Variants in MGAT4C observed in about 807,000 individuals in gnomAD.
The protein encoded by MGAT4C is alpha-1,3-mannosyl-glycoprotein 4-beta-N-acetylglucosaminyltransferase C.
MGAT4C carries 19 observed loss-of-function variants against 40.1 expected under a neutral mutation model. That is an observed-to-expected ratio of 0.47 (90% CI 0.33 to 0.70). MGAT4C has a LOEUF of 0.70. MGAT4C is among the 30% of genes least tolerant of loss of function. MGAT4C has a pLI of 0.02. For missense variants in MGAT4C, 491 were observed against 563.2 expected (o/e 0.87, Z 1.30); for synonymous variants, 181 against 187.1 (o/e 0.97, Z 0.27).
chr12:86,793,670 T>C (rs1952064844), intron 1 of MGAT4C, among the ~76,000 whole-genome samples: 1 of 152,036 alleles, frequency 6.6e-6, no homozygotes, highest in Non-Finnish European at 1.5e-5. Context: ...TGTAATAGTA[T>C]ATTTGTTTCT....
At chr12:86,038,668 A>G (rs1159435217) in intron 2 of MGAT4C, among the ~76,000 whole-genome samples, 1 of 149,654 alleles carries the variant, frequency 6.7e-6, no homozygotes, top group Non-Finnish European at 1.5e-5. Context: ...CAGCACACCG[A>G]TGGGTCTTGA....
chr12:86,838,553 G>T (rs1370258864), intron 1 of MGAT4C: 1 of 152,144 alleles, frequency 6.6e-6, no homozygotes, highest in Non-Finnish European at 1.5e-5. Context: ...TCATTCTTCA[G>T]TCCATACAGA....
At chr12:86,604,653 C>T (rs1027170385) in intron 2 of MGAT4C, among the ~76,000 whole-genome samples, 7 of 152,184 alleles carry the variant, frequency 4.6e-5, no homozygotes, top group East Asian at 1.9e-4. Flanking sequence ...TATTTTAGTC[C>T]GTATTCTTTA....
rs186653437 is a variant in MGAT4C at position 86,283,287 on chromosome 12, T to C, written c.-57+50778A>G. ...TCCCTATTCTGTTTGTTATTCAGAT[T>C]CTAAACACTGTTGCTTCACCTATTT... On this transcript the variant is annotated intron_variant, in intron 4 of 7. Transcript: ENST00000548651. Among the ~76,000 whole-genome samples, 16 of 152,188 alleles carry C rather than the reference T, an allele frequency of 1.1e-4. No individual in the cohort carries two copies. The East Asian group carries it at 2.9e-3, about 28-fold the overall frequency.
chr12:86,065,553 C>G (rs962696357), intron 1 of MGAT4C, among the ~76,000 whole-genome samples: 2 of 152,078 alleles, frequency 1.3e-5, no homozygotes, highest in Non-Finnish European at 2.9e-5. Context: ...ATTGATGGAA[C>G]GTATATCAAA....
intron 2 of MGAT4C, among the ~76,000 whole-genome samples, chr12:86,040,765 A>T (rs1891741729): frequency 1.3e-5 from 2 of 152,132 alleles, no homozygotes; most frequent in Non-Finnish European, 2.9e-5. Flanking sequence ...CAGCTAGCTC[A>T]GTGTCCGCCC....
intron 2 of MGAT4C, among the ~76,000 whole-genome samples, chr12:86,511,385 C>T (rs1041808718): frequency 6.6e-6 from 1 of 152,114 alleles, no homozygotes; most frequent in Non-Finnish European, 1.5e-5. Flanking sequence ...AGTCTCTCAG[C>T]TCATTAGTTT....
chr12:86,157,863 G>T (rs995856919), intron 1 of MGAT4C, among the ~76,000 whole-genome samples: 2 of 152,086 alleles, frequency 1.3e-5, no homozygotes, highest in African/African-American at 2.4e-5. Flanking sequence ...CTCCTCCTCC[G>T]ACATGTGGGG....
chr12:86,654,840 G>A (rs552601242), intron 2 of MGAT4C, among the ~76,000 whole-genome samples: 6 of 151,778 alleles, frequency 4.0e-5, no homozygotes, highest in East Asian at 3.9e-4. Context: ...AGGAAAATGC[G>A]GGGGATAAAC....
chr12:86,188,353 T>G (rs1212699222), intron 1 of MGAT4C, among the ~76,000 whole-genome samples: 1 of 151,950 alleles, frequency 6.6e-6, no homozygotes, highest in African/African-American at 2.4e-5. Context: ...CTCAGGAGTA[T>G]AAACATTATT....
chr12:86,148,379 A>C (rs1018471003), intron 1 of MGAT4C, among the ~76,000 whole-genome samples: 2 of 152,212 alleles, frequency 1.3e-5, no homozygotes, highest in African/African-American at 4.8e-5. Flanking sequence ...AATTTCTTGA[A>C]ACAAATTGTA....
intron 1 of MGAT4C, among the ~76,000 whole-genome samples, chr12:86,805,466 A>G (rs1952333932): frequency 1.3e-5 from 2 of 151,982 alleles, no homozygotes; most frequent in South Asian, 4.1e-4. Flanking sequence ...AACATGTGGT[A>G]TTTGGTTTTC....
At chr12:86,099,310 C>T (rs924317362) in intron 1 of MGAT4C, among the ~76,000 whole-genome samples, 104 of 151,076 alleles carry the variant, frequency 6.9e-4, no homozygotes, top group African/African-American at 2.3e-3. Flanking sequence ...AGAATTGTTC[C>T]TCACTATTTC....
intron 3 of MGAT4C, among the ~76,000 whole-genome samples, chr12:86,415,736 T>C (rs560868864): frequency 6.6e-6 from 1 of 152,002 alleles, no homozygotes; most frequent in Non-Finnish European, 1.5e-5. Flanking sequence ...GAGGACTTCA[T>C]AGGACTCTAA....
intron 3 of MGAT4C, among the ~76,000 whole-genome samples, chr12:86,361,505 C>G (rs1003099493): frequency 3.0e-4 from 46 of 152,132 alleles, no homozygotes; most frequent in African/African-American, 7.9e-4. Flanking sequence ...TTAAACTAAA[C>G]AGCTTCTGCA....
At chr12:86,250,970 A>G (rs140411517) in intron 1 of MGAT4C, among the ~76,000 whole-genome samples, 2 of 152,180 alleles carry the variant, frequency 1.3e-5, no homozygotes, top group African/African-American at 4.8e-5. Flanking sequence ...ACACAGACAC[A>G]TAATACTAAG....
At position 86,245,260 on chromosome 12, in the gene MGAT4C, A is replaced by G. The variant is rs1014055796; in HGVS notation, c.-57+10979T>C. Among the ~76,000 whole-genome samples the G allele has an allele frequency of 3.3e-5, 5 of 152,264 alleles. No homozygotes were observed. In the East Asian group the frequency reaches 9.7e-4, roughly 30 times the overall value. ...CAGCCCTCGAGTTCTCTTGCCAAAAACAGAGAGGAGCAATTAGGTCTCCTC... is the reference window on the plus strand; with the variant it reads ...CAGCCCTCGAGTTCTCTTGCCAAAAGCAGAGAGGAGCAATTAGGTCTCCTC... On this transcript the variant is annotated intron_variant, in intron 1 of 4. Transcript: ENST00000611864.
chr12:86,695,222 C>T (rs1266448344), intron 2 of MGAT4C, among the ~76,000 whole-genome samples: 1 of 152,164 alleles, frequency 6.6e-6, no homozygotes, highest in South Asian at 2.1e-4. Context: ...AGTAAGTTAT[C>T]ATCTCATCCC....
At chr12:86,403,023 C>G (rs1956399647) in intron 3 of MGAT4C, among the ~76,000 whole-genome samples, 1 of 152,166 alleles carries the variant, frequency 6.6e-6, no homozygotes, top group African/African-American at 2.4e-5. Context: ...GAAGCTCTGA[C>G]ATGTTAAATA....
Sources: allele counts gnomAD v4.1 joint callset (sites outside exome capture counted in the v4.1 genomes callset), GRCh38; gene constraint gnomAD v4.1.1; transcripts MANE v1.5; gene names NCBI Gene and HGNC (gene_info 2026-07-23, HGNC 2026-07-21).